The following RSBN1L variants were observed in gnomAD, a reference collection of about 807,000 sequenced individuals.
The protein encoded by RSBN1L is round spermatid basic protein 1 like, also known as lysine-specific demethylase RSBN1L.
In RSBN1L, 30 loss-of-function variants were observed where a neutral mutation model predicts 67.7. The ratio of observed to expected loss-of-function variants is 0.44; its 90% CI spans 0.33 to 0.60. The LOEUF (loss-of-function observed/expected upper bound fraction) is 0.60, where lower values mean the gene tolerates loss of function less well. RSBN1L is among the 20% of genes least tolerant of loss of function. The pLI is 0.02. For missense variants in RSBN1L, 992 were observed against 1,031.7 expected (o/e 0.96, Z 0.53); for synonymous variants, 433 against 387.0 (o/e 1.12, Z -1.39).
chr7:77,755,262 T>G (rs914388191), intron 3 of RSBN1L, among the ~76,000 whole-genome samples: 10 of 152,238 alleles, frequency 6.6e-5, no homozygotes, highest in Admixed American at 2.0e-4. Flanking sequence ...CTTGTTGATT[T>G]GGTCATGATG....
intron 1 of RSBN1L, among the ~76,000 whole-genome samples, chr7:77,708,385 AT>A (rs67403786): frequency 1.5e-3 from 212 of 142,234 alleles, no homozygotes; most frequent in Middle Eastern, 3.6e-3. Flanking sequence ...GGATGAGACT[AT>A]TTTTTTTTTT....
intron 3 of RSBN1L, among the ~76,000 whole-genome samples, chr7:77,754,953 G>A (rs1791598152): frequency 6.6e-6 from 1 of 152,074 alleles, no homozygotes; most frequent in South Asian, 2.1e-4. Context: ...ATTAATGAAT[G>A]CTTGTTATTA....
Position 77,768,663 on chromosome 7 carries a change from T to G in RSBN1L, c.1485T>G (p.Cys495Trp). ...TCTGCATAATTATTTATCTCCAGTGTACACTGCCATGGGGGACGCTATCTA... is the reference window on the plus strand; with the variant it reads ...TCTGCATAATTATTTATCTCCAGTGGACACTGCCATGGGGGACGCTATCTA... ...DMLEESPFLK[C>W]TLPWGTLSSL... Residue 495 changes from cysteine (C) to tryptophan (W), a missense_variant and splice_region_variant, in exon 5 of 8, where the codon TGT (cysteine) becomes TGG (tryptophan). By Grantham distance (215) the Cys-to-Trp change is radical. Transcript: ENST00000334955. 3 of 1,613,256 alleles carry G rather than the reference T, an allele frequency of 1.9e-6. No individual in the cohort carries two copies. In the South Asian group the frequency reaches 3.3e-5, roughly 18 times the overall value.
chr7:77,704,646 A>AT (rs1013344003), intron 1 of RSBN1L, among the ~76,000 whole-genome samples: 24 of 151,556 alleles, frequency 1.6e-4, no homozygotes, highest in East Asian at 3.9e-4. Context: ...ATTAGAGCTG[A>AT]TTTTTTTTTC....
chr7:77,711,026 C>G (rs1374718846), intron 1 of RSBN1L, among the ~76,000 whole-genome samples: 1 of 152,112 alleles, frequency 6.6e-6, no homozygotes, highest in Non-Finnish European at 1.5e-5. Flanking sequence ...GAATGACTTG[C>G]AGTATATTTC....
In RSBN1L at chr7:77,773,174, G is replaced by A. The variant is rs752023145; in HGVS notation, c.1653G>A (p.Gln551=). 5.6e-6 allele frequency: 9 copies of A among 1,603,700 alleles called. No individual in the cohort carries two copies. The highest frequency in any genetic ancestry group is 6.8e-6 in the Non-Finnish European group (8 of 1,176,640). ...CTACCAATGAAATAAAAAATCTTCA[G>A]TACCTACCTCGAACAAGTGAGCCCC... ...KRTTNEIKNL[Q]YLPRTSEPRE... The change falls in exon 6 of 8, where the codon CAG becomes CAA. Residue 551 remains glutamine, a synonymous_variant. Coordinates refer to ENST00000334955, the MANE Select transcript of RSBN1L (RefSeq NM_198467.3).
Position 77,696,487 on chromosome 7 carries a change from C to T in RSBN1L, c.18C>T (p.Ser6=), listed in dbSNP as rs1411086385. Residue 6 remains serine (S), a synonymous_variant, in exon 1 of 8, where the codon AGC becomes AGT. Transcript: ENST00000334955. The part of the protein sequence containing the change: MAEPP[S]PVHCVAAAAP... Reference sequence around the variant, plus strand: ...AGCGCAAAATGGCGGAACCGCCGAGCCCCGTGCACTGTGTCGCTGCCGCGG... The same window carrying T: ...AGCGCAAAATGGCGGAACCGCCGAGTCCCGTGCACTGTGTCGCTGCCGCGG... 7 of 1,610,662 alleles carry T rather than the reference C, an allele frequency of 4.3e-6. No individual in the cohort carries two copies. The highest frequency in any genetic ancestry group is 4.5e-5 in the East Asian group (2 of 44,832).
intron 1 of RSBN1L, among the ~76,000 whole-genome samples, chr7:77,721,085 C>T (rs1031524861): frequency 2.6e-5 from 4 of 151,932 alleles, no homozygotes; most frequent in Non-Finnish European, 5.9e-5. Context: ...ATTTATGGCC[C>T]GCTTTGTGCT....
At chr7:77,709,415 A>G (rs1378989433) in intron 1 of RSBN1L, among the ~76,000 whole-genome samples, 2 of 151,466 alleles carry the variant, frequency 1.3e-5, no homozygotes, top group African/African-American at 2.4e-5. Context: ...TCAGCCTCCC[A>G]ATTAGCTGGA....
rs1468348578 is a variant in RSBN1L, at chr7:77,720,522, G to T, written c.587-15888G>T. Among the ~76,000 whole-genome samples the T allele has an allele frequency of 2.0e-5, 3 of 152,190 alleles. No individual in the cohort carries two copies. In the East Asian group the frequency reaches 5.8e-4, roughly 29 times the overall value. Reference sequence around the variant, plus strand: ...TGCGGTGAGCTGAGATCGTGCCATTGCACTCCAGCCTGGGCAACAAGAGCG... The same window carrying T: ...TGCGGTGAGCTGAGATCGTGCCATTTCACTCCAGCCTGGGCAACAAGAGCG... On this transcript the variant is annotated intron_variant, in intron 1 of 7. Transcript: ENST00000334955.
intron 3 of RSBN1L, among the ~76,000 whole-genome samples, 182 bp downstream of exon 3, chr7:77,750,246 TTATG>T (rs1264008002): frequency 4.6e-5 from 7 of 151,696 alleles, no homozygotes; most frequent in African/African-American, 1.7e-4. Flanking sequence ...CAATTTTCAC[TTATG>T]TATGTTTTTT....
chr7:77,710,521 CT>C (rs1199689830), intron 1 of RSBN1L, among the ~76,000 whole-genome samples: 1 of 152,204 alleles, frequency 6.6e-6, no homozygotes, highest in Non-Finnish European at 1.5e-5. Context: ...GAGGCCTGTG[CT>C]CCTCTATGAC....
intron 1 of RSBN1L, among the ~76,000 whole-genome samples, chr7:77,706,460 C>T (rs778847246): frequency 3.3e-5 from 5 of 152,166 alleles, no homozygotes; most frequent in Non-Finnish European, 7.4e-5. Context: ...ATCTGCCTGC[C>T]TCGACCTCCC....
chr7:77,773,289 C>G lies in RSBN1L; in HGVS notation c.1768C>G (p.Leu590Val). 1 of 1,604,044 alleles carries G rather than the reference C, an allele frequency of 6.2e-7. No homozygotes were observed. Among genetic ancestry groups the G allele is most frequent in the Non-Finnish European group, 8.5e-7 (1 of 1,176,168 alleles). The change falls in exon 6 of 8, where the codon CTG becomes GTG. Residue 590 changes from leucine (L) to valine (V), a missense_variant. Leu to Val is a conservative substitution (Grantham distance 32). Around this residue, in one of 7 missense-constraint regions of RSBN1L, gnomAD observed 31 missense variants for 24.5 expected, o/e 1.26. Coordinates refer to ENST00000334955, the MANE Select transcript of RSBN1L (RefSeq NM_198467.3). ...ERQTTAAVGV[L>V]KAVHCGEWPD... The stretch of plus-strand genomic sequence containing the variant: ...ACAGACTACAGCTGCTGTTGGAGTG[C>G]TGAAGGCTGTGCACTGTGGAGAGTG...
rs77353771 is a variant in RSBN1L, at chr7:77,775,048, T to G, written c.1793+1734T>G. Among the ~76,000 whole-genome samples, 1,210 of 152,182 alleles carry G rather than the reference T, an allele frequency of 8.0e-3. 18 individuals are homozygous for G. Among genetic ancestry groups the G allele is most frequent in the African/African-American group, 0.028 (1,165 of 41,522 alleles). Reference sequence around the variant, plus strand: ...AGTGAATATTTATTTATTTTTACATTCTGTTTATTTGTATTACTGTTCCTT... The same window carrying G: ...AGTGAATATTTATTTATTTTTACATGCTGTTTATTTGTATTACTGTTCCTT... On this transcript the variant is annotated intron_variant, in intron 6 of 7. Coordinates refer to ENST00000334955, the MANE Select transcript of RSBN1L (RefSeq NM_198467.3).
chr7:77,727,744 G>T (rs1791225883), intron 1 of RSBN1L, among the ~76,000 whole-genome samples: 1 of 151,944 alleles, frequency 6.6e-6, no homozygotes, highest in South Asian at 2.1e-4. Flanking sequence ...TGGATTACAG[G>T]TGTAAGCCGC....
At chr7:77,770,386 T>C (rs752440090) in intron 5 of RSBN1L, among the ~76,000 whole-genome samples, 3 of 143,184 alleles carry the variant, frequency 2.1e-5, no homozygotes, top group Non-Finnish European at 4.6e-5. Context: ...AAAAAAAGAG[T>C]ATAGTGAAAT....
intron 1 of RSBN1L, among the ~76,000 whole-genome samples, chr7:77,705,059 T>C (rs1228461881): frequency 6.6e-6 from 1 of 152,126 alleles, no homozygotes; most frequent in Non-Finnish European, 1.5e-5. Flanking sequence ...CTATCATTAA[T>C]TGATGTATCT....
At chr7:77,712,274 A>G (rs1284532420) in intron 1 of RSBN1L, among the ~76,000 whole-genome samples, 1 of 151,714 alleles carries the variant, frequency 6.6e-6, no homozygotes, top group Non-Finnish European at 1.5e-5. Context: ...CAAATCTTAT[A>G]TATACATACA....
Sources: allele counts gnomAD v4.1 joint callset (sites outside exome capture counted in the v4.1 genomes callset), GRCh38; gene constraint gnomAD v4.1.1; regional missense constraint gnomAD v4.1.1; transcripts MANE v1.5; gene names NCBI Gene and HGNC (gene_info 2026-07-23, HGNC 2026-07-21).